CENPF: variants seen among roughly 807,000 people sequenced by gnomAD.
CENPF encodes centromere protein F.
A neutral mutation model predicts 307.3 loss-of-function variants in CENPF; 214 were observed. The ratio of observed to expected loss-of-function variants is 0.70; its 90% confidence interval spans 0.62 to 0.78. The LOEUF is 0.78. Ranked by LOEUF, CENPF falls within the 30% of genes least tolerant of loss-of-function variation. The pLI, the probability that CENPF is intolerant of heterozygous loss-of-function variation, is 0.00. For missense variants in CENPF, 3,401 were observed against 3,483.9 expected, an observed-to-expected ratio of 0.98 and a Z score of 0.60; for synonymous variants, 1,259 against 1,270.6, an observed-to-expected ratio of 0.99 and a Z score of 0.19.
chr1:214,652,588 CG>C (rs1658514994), intron 15 of CENPF, among the ~76,000 whole-genome samples: 1 of 149,764 alleles, frequency 6.7e-6, no homozygotes. Context: ...GGATTATAGG[CG>C]CCTGCCACCA....
intron 14 of CENPF, among the ~76,000 whole-genome samples, chr1:214,649,286 G>C (rs1264301327): frequency 6.6e-6 from 1 of 152,176 alleles, no homozygotes; most frequent in Non-Finnish European, 1.5e-5. Context: ...TATAGCACTT[G>C]GGCTGCCACT....
intron 3 of CENPF, among the ~76,000 whole-genome samples, chr1:214,616,849 CTTT>C (rs1657357619): frequency 1.5e-4 from 1 of 6,576 alleles, no homozygotes; most frequent in African/African-American, 3.6e-4. Context: ...TTCTTTCTTT[CTTT>C]CTTTCTTTCT....
Position 214,643,071 on chromosome 1 carries a change from A to G in CENPF, c.4733A>G (p.Asn1578Ser). Residue 1578 changes from asparagine to serine, a missense_variant, in exon 12 of 20, where the codon AAT (asparagine) becomes AGT (serine). Asn to Ser is a conservative substitution (Grantham distance 46, BLOSUM62 1). Transcript: ENST00000366955. ...EKMESQGIMKNKEIQELEQLL... is the reference protein window; with the variant it reads ...EKMESQGIMKSKEIQELEQLL... ...ATGGAAAGTCAAGGGATTATGAAAAATAAGGAAATTCAAGAGCTCGAGCAG... is the reference window on the plus strand; with the variant it reads ...ATGGAAAGTCAAGGGATTATGAAAAGTAAGGAAATTCAAGAGCTCGAGCAG... 1 of 1,610,858 alleles carries G rather than the reference A, an allele frequency of 6.2e-7. No homozygotes were observed. Among genetic ancestry groups the G allele is most frequent in the Admixed American group, 1.7e-5 (1 of 59,002 alleles).
rs771298294 is a variant in CENPF, at chr1:214,643,363, A to T, written c.4986+39A>T. ...ATTTAAATGCCATTTCTCGGTTTACATGACTAGTGGACACTCAGTAAATGT... is the reference window on the plus strand; with the variant it reads ...ATTTAAATGCCATTTCTCGGTTTACTTGACTAGTGGACACTCAGTAAATGT... On this transcript the variant is annotated intron_variant, in intron 12 of 19. Coordinates refer to ENST00000366955, the MANE Select transcript of CENPF (RefSeq NM_016343.4). 5 of 1,441,682 alleles carry T rather than the reference A, an allele frequency of 3.5e-6. No homozygotes were observed. In the Admixed American group the frequency reaches 1.3e-4, roughly 38 times the overall value. The allele number at this position is 1,441,682 out of a possible 1,614,324, so 89.3% of individuals were successfully genotyped here.
chr1:214,663,094 CT>C (rs1479856877), intron 19 of CENPF, among the ~76,000 whole-genome samples: 20 of 152,330 alleles, frequency 1.3e-4, no homozygotes, highest in African/African-American at 3.9e-4. Flanking sequence ...AGCTGCCCTT[CT>C]GCTCTAGTCC....
intron 10 of CENPF, among the ~76,000 whole-genome samples, chr1:214,633,070 A>T (rs1191501650): frequency 6.6e-6 from 1 of 152,150 alleles, no homozygotes; most frequent in East Asian, 1.9e-4. Flanking sequence ...AATAAACAAA[A>T]GTAGTGACAG....
chr1:214,633,710 A>C (rs1475513344), intron 10 of CENPF, among the ~76,000 whole-genome samples: 1 of 150,424 alleles, frequency 6.6e-6, no homozygotes, highest in African/African-American at 2.5e-5. Flanking sequence ...ATACTGCTGG[A>C]GATAGGGGGC....
chr1:214,630,684 C>T, intron 9 of CENPF, 22 bp downstream of exon 9: 1 of 1,613,208 alleles, frequency 6.2e-7, no homozygotes, highest in Non-Finnish European at 8.5e-7. Context: ...GTCTCTCTCT[C>T]TCTCCTTAAT....
At chr1:214,656,747 C>T (rs1301492154) in intron 17 of CENPF, among the ~76,000 whole-genome samples, 186 bp from the exon 18 acceptor site, 1 of 151,958 alleles carries the variant, frequency 6.6e-6, no homozygotes, top group Non-Finnish European at 1.5e-5. Flanking sequence ...GAATATCTGC[C>T]TTGATATGAT....
At chr1:214,614,061 T>C in intron 2 of CENPF, 145 bp downstream of exon 2, 1 of 718,984 alleles carries the variant, frequency 1.4e-6, no homozygotes, top group South Asian at 3.4e-5. Context: ...CTTCAGGTGG[T>C]AATTCCTCTC....
chr1:214,626,617 G>A (rs879677165), intron 7 of CENPF, among the ~76,000 whole-genome samples: 1 of 152,180 alleles, frequency 6.6e-6, no homozygotes, highest in African/African-American at 2.4e-5. Context: ...ATTTGAACCT[G>A]GCTCTGCCAC....
At chr1:214,637,465 A>G in intron 10 of CENPF, among the ~76,000 whole-genome samples, 1 of 143,462 alleles carries the variant, frequency 7.0e-6, no homozygotes, top group South Asian at 2.2e-4. Context: ...ATGTGCTGAG[A>G]TTTTTTTTTT....
At chr1:214,660,213 TTCA>T (rs1658754695) in intron 19 of CENPF, among the ~76,000 whole-genome samples, 1 of 152,224 alleles carries the variant, frequency 6.6e-6, no homozygotes, top group Non-Finnish European at 1.5e-5. Flanking sequence ...AATAAATTTG[TTCA>T]TCATATACAT....
chr1:214,652,408 C>T (rs111962241), intron 15 of CENPF, among the ~76,000 whole-genome samples: 2,865 of 150,568 alleles, frequency 0.019, 44 homozygotes, highest in South Asian at 0.047. Flanking sequence ...CGAAATAGTC[C>T]TTGGAAAGGC....
At chr1:214,614,403 A>T (rs796897965) in intron 2 of CENPF, among the ~76,000 whole-genome samples, 1 of 152,210 alleles carries the variant, frequency 6.6e-6, no homozygotes, top group Non-Finnish European at 1.5e-5. Flanking sequence ...AAAACTAAAC[A>T]GTACTTTTTA....
chr1:214,643,884 T>C (rs1489382789), intron 12 of CENPF, among the ~76,000 whole-genome samples: 4 of 152,204 alleles, frequency 2.6e-5, no homozygotes, highest in African/African-American at 9.6e-5. Context: ...ATTTGTTTAA[T>C]TGCTTGTAAC....
Position 214,657,377 on chromosome 1 carries a change from A to G in CENPF, c.8930A>G (p.Glu2977Gly). Residue 2977 changes from glutamate (E) to glycine (G), a missense_variant, in exon 18 of 20, where the codon GAG becomes GGG. Coordinates refer to ENST00000366955, the MANE Select transcript of CENPF (RefSeq NM_016343.4). ...PAEDTEGTEF[E>G]PEGLPEVVKK... ...GAAGACACGGAAGGTACTGAGTTTG[A>G]GCCAGAGGGACTTCCAGAAGTTGTA... 6.2e-7 allele frequency: 1 copy of G among 1,610,046 alleles called. No individual in the cohort carries two copies.
At chr1:214,648,111 G>A (rs1412900255) in intron 13 of CENPF, 5 of 355,956 alleles carry the variant, frequency 1.4e-5, no homozygotes, top group South Asian at 6.5e-5. Context: ...AGAATAAAAG[G>A]ACTATCCACA....
chr1:214,616,742 C>T (rs1329476131), intron 3 of CENPF, among the ~76,000 whole-genome samples: 2 of 151,966 alleles, frequency 1.3e-5, no homozygotes, highest in Non-Finnish European at 2.9e-5. Flanking sequence ...CATACATTGC[C>T]TCTTCTCAGA....
Sources: allele counts gnomAD v4.1 joint callset (sites outside exome capture counted in the v4.1 genomes callset), GRCh38; gene constraint gnomAD v4.1.1; transcripts MANE v1.5; gene names NCBI Gene and HGNC (gene_info 2026-07-23, HGNC 2026-07-21).